Variants in LY6L observed in about 807,000 individuals in gnomAD.
LY6L encodes lymphocyte antigen 6 family member L.
A neutral mutation model predicts 8.3 loss-of-function variants in LY6L; 8 were observed. The observed-to-expected ratio is 0.97, with a 90% CI of 0.57 to 1.74. The LOEUF (loss-of-function observed/expected upper bound fraction) is 1.74. LY6L is among the 40% of genes most tolerant of loss of function. LY6L has a pLI of 0.00. For missense variants in LY6L, 156 were observed against 183.8 expected (o/e 0.85, Z 0.87); for synonymous variants, 79 against 77.9 (o/e 1.01, Z -0.07).
chr8:143,081,494 C>T (rs1166883131), intron 3 of LY6L, among the ~76,000 whole-genome samples, 167 bp downstream of exon 3: 1 of 152,222 alleles, frequency 6.6e-6, no homozygotes, highest in Non-Finnish European at 1.5e-5. Flanking sequence ...GCGAGCATCC[C>T]AGAGTGTGAA....
chr8:143,082,304 C>A (rs539289300), intron 3 of LY6L, 121 bp from the exon 4 acceptor site: 1 of 685,018 alleles, frequency 1.5e-6, no homozygotes, highest in Non-Finnish European at 2.5e-6. Flanking sequence ...GGCCAGGTTA[C>A]GTGCTCTAGC....
chr8:143,082,844 A>G lies in LY6L; in HGVS notation c.*193A>G. ...TCCCCACCGGGGGCCCCTTTGCTGGAGAACCCCAAGGATTCAGCAACTGCT... is the reference window on the plus strand; with the variant it reads ...TCCCCACCGGGGGCCCCTTTGCTGGGGAACCCCAAGGATTCAGCAACTGCT... On this transcript the variant is annotated 3_prime_UTR_variant, in exon 4 of 4. Coordinates refer to ENST00000562505, the MANE Select transcript of LY6L (RefSeq NM_001368160.2). 1 of 534,920 alleles carries G rather than the reference A, an allele frequency of 1.9e-6. No individual in the cohort carries two copies. Among genetic ancestry groups the G allele is most frequent in the Non-Finnish European group, 3.3e-6 (1 of 304,996 alleles). The allele number at this position is 534,920 out of a possible 1,614,324, so 33.1% of individuals were successfully genotyped here.
intron 3 of LY6L, among the ~76,000 whole-genome samples, chr8:143,081,793 T>C (rs956420293): frequency 6.6e-6 from 1 of 152,156 alleles, no homozygotes; most frequent in Non-Finnish European, 1.5e-5. Flanking sequence ...TACGATGTAA[T>C]ATAATGCTAC....
At position 143,081,171 on chromosome 8, in the gene LY6L, T is replaced by G. The variant is rs766611362; in HGVS notation, c.74-40T>G. 31 of 1,527,690 alleles carry G rather than the reference T, an allele frequency of 2.0e-5. No homozygotes were observed. In the South Asian group the frequency reaches 3.7e-4, roughly 18 times the overall value. The allele number at this position is 1,527,690 out of a possible 1,614,324, so 94.6% of individuals were successfully genotyped here. A position where few individuals can be genotyped will look rare whatever the true frequency, so the allele number is the denominator to read the frequency against. On this transcript the variant is annotated intron_variant, in intron 2 of 3. Coordinates refer to ENST00000562505, the MANE Select transcript of LY6L (RefSeq NM_001368160.2). The stretch of plus-strand genomic sequence containing the variant: ...GGGCTGGGGGCGTCGGGGCTGGAGC[T>G]GCGGACGCTGGTCCACAGCGCCCCG...
At chr8:143,082,381 CT>C in intron 3 of LY6L, 43 bp from the exon 4 acceptor site, 1 of 1,405,918 alleles carries the variant, frequency 7.1e-7, no homozygotes, top group Non-Finnish European at 9.7e-7. Context: ...TGGATACCTC[CT>C]TGCTGGGGCT....
chr8:143,080,946 G>A, intron 1 of LY6L, 90 bp from the exon 2 acceptor site: 2 of 955,112 alleles, frequency 2.1e-6, no homozygotes, highest in South Asian at 1.6e-5. Flanking sequence ...TGGGGGGTGC[G>A]CCCTGAGTAA....
At chr8:143,082,249 C>T (rs972332735) in intron 3 of LY6L, among the ~76,000 whole-genome samples, 176 bp from the exon 4 acceptor site, 1 of 152,230 alleles carries the variant, frequency 6.6e-6, no homozygotes, top group African/African-American at 2.4e-5. Flanking sequence ...CAGCGCCTCA[C>T]CCAGTAAAGG....
intron 3 of LY6L, among the ~76,000 whole-genome samples, chr8:143,081,848 C>T (rs1023873756): frequency 2.0e-5 from 3 of 152,150 alleles, no homozygotes; most frequent in African/African-American, 7.2e-5. Context: ...CACAACACAC[C>T]GTAACACTCT....
Position 143,082,466 on chromosome 8 carries a change from A to T in LY6L, c.232A>T (p.Arg78Ter). The change falls in exon 4 of 4, where the codon AGA (arginine) becomes TGA (stop). Residue 78 changes from arginine to a stop codon, truncating the protein, a stop_gained. Transcript: ENST00000562505. LOFTEE classifies it low-confidence loss of function (END_TRUNC). ...CCTGCTCAGCAAACGCTGTGCTCCC[A>T]GATGTCCCAACGACAACATGAAGTT... ...RVLLSKRCAPRCPNDNMKFEW... is the reference protein window; with the variant it reads ...RVLLSKRCAP The T allele has an allele frequency of 6.5e-7, 1 of 1,535,496 alleles. No homozygotes were observed. Among genetic ancestry groups the T allele is most frequent in the Non-Finnish European group, 8.7e-7 (1 of 1,146,706 alleles).
In LY6L at chr8:143,083,076, G is replaced by A. The variant is rs1046613949; in HGVS notation, c.*425G>A. 2 of 208,096 alleles carry A rather than the reference G, an allele frequency of 9.6e-6. No homozygotes were observed. Among genetic ancestry groups the A allele is most frequent in the African/African-American group, 2.4e-5 (1 of 41,634 alleles). The allele number at this position is 208,096 out of a possible 1,614,324, so 12.9% of individuals were successfully genotyped here. A position where few individuals can be genotyped will look rare whatever the true frequency, so the allele number is the denominator to read the frequency against. On this transcript the variant is annotated 3_prime_UTR_variant, in exon 4 of 4. Transcript: ENST00000562505. ...GGTGATGAGAAGGACGGTGCCTCCG[G>A]TGTGGGTGATGGGAAGGACGGTACC...
Position 143,082,576 on chromosome 8 carries a change from ACAGGAGGGGCG to A in LY6L, c.344_354del (p.Gln115LeufsTer73). ...CTCTCTGCAACAGGGCACTGACCCC[ACAGGAGGGGCG>A]CTGGGCCCTGCGAGGGGGGCTCCTG... On this transcript the variant is annotated frameshift_variant, in exon 4 of 4. Transcript: ENST00000562505. LOFTEE classifies it low-confidence loss of function (END_TRUNC). 6.5e-7 allele frequency: 1 copy of A among 1,534,226 alleles called. No homozygotes were observed. Among genetic ancestry groups the A allele is most frequent in the Non-Finnish European group, 8.7e-7 (1 of 1,145,720 alleles).
rs1341133453 is a variant in LY6L, at chr8:143,083,485, C to T, written c.*834C>T. 6.6e-6 allele frequency among the ~76,000 whole-genome samples: 1 copy of T among 152,106 alleles called. No homozygotes were observed. Among genetic ancestry groups the T allele is most frequent in the Admixed American group, 6.5e-5 (1 of 15,268 alleles). On this transcript the variant is annotated 3_prime_UTR_variant, in exon 4 of 4. Transcript: ENST00000562505. ...TGGAGACAATAAACTCTCATGCCCC[C>T]ATGGTGCTCATTCCTTCCTTCTCCT... is the stretch of plus-strand genomic sequence containing the variant.
In LY6L at chr8:143,082,480, C is replaced by T; in HGVS notation, c.246C>T (p.Asp82=). Residue 82 remains aspartate (D), a synonymous_variant, in exon 4 of 4, where the codon GAC becomes GAT. Coordinates refer to ENST00000562505, the MANE Select transcript of LY6L (RefSeq NM_001368160.2). ...SKRCAPRCPN[D]NMKFEWSPAP... is the part of the protein sequence containing the mutation. ...GCTGTGCTCCCAGATGTCCCAACGA[C>T]AACATGAAGTTCGAATGGTCGCCGG... is the stretch of plus-strand genomic sequence containing the variant. The T allele has an allele frequency of 6.5e-7, 1 of 1,535,520 alleles. No homozygotes were observed. Among genetic ancestry groups the T allele is most frequent in the Non-Finnish European group, 8.7e-7 (1 of 1,146,730 alleles).
intron 3 of LY6L, among the ~76,000 whole-genome samples, chr8:143,081,552 C>G (rs1276863054): frequency 6.6e-6 from 1 of 152,184 alleles, no homozygotes; most frequent in Non-Finnish European, 1.5e-5. Flanking sequence ...GAACTGTCAG[C>G]AGGACAAAGG....
In LY6L at chr8:143,082,660, C is replaced by T. The variant is rs1242898797; in HGVS notation, c.*9C>T. 1 of 1,450,836 alleles carries T rather than the reference C, an allele frequency of 6.9e-7. No individual in the cohort carries two copies. The highest frequency in any genetic ancestry group is 9.1e-7 in the Non-Finnish European group (1 of 1,101,112). The allele number at this position is 1,450,836 out of a possible 1,614,324, so 89.9% of individuals were successfully genotyped here. ...TCAGGGCCCTGTTGTGAGGGCCCTC[C>T]CTTTACGCCCCCTCCTGGCCCTGCT... On this transcript the variant is annotated 3_prime_UTR_variant, in exon 4 of 4. Coordinates refer to ENST00000562505, the MANE Select transcript of LY6L (RefSeq NM_001368160.2).
In LY6L at chr8:143,082,522, C is replaced by T. The variant is rs915870917; in HGVS notation, c.288C>T (p.Gly96=). The T allele has an allele frequency of 3.9e-6, 6 of 1,535,290 alleles. No homozygotes were observed. Among genetic ancestry groups the T allele is most frequent in the Middle Eastern group, 1.7e-4 (1 of 6,004 alleles). ...FEWSPAPMVQ[G]VITRRCCSWA... is the part of the protein sequence containing the mutation. ...GGTCGCCGGCCCCCATGGTGCAAGG[C>T]GTGATCACCAGGCGCTGCTGTTCCT... Residue 96 remains glycine (G), a synonymous_variant, in exon 4 of 4, where the codon GGC becomes GGT. Coordinates refer to ENST00000562505, the MANE Select transcript of LY6L (RefSeq NM_001368160.2).
In LY6L at chr8:143,083,481, C is replaced by T. The variant is rs114562237; in HGVS notation, c.*830C>T. 0.011 allele frequency among the ~76,000 whole-genome samples: 1,732 copies of T among 152,210 alleles called. 37 individuals carry two copies. The highest frequency in any genetic ancestry group is 0.04 in the African/African-American group (1,644 of 41,536). On this transcript the variant is annotated 3_prime_UTR_variant, in exon 4 of 4. Coordinates refer to ENST00000562505, the MANE Select transcript of LY6L (RefSeq NM_001368160.2). ...CTCTTGGAGACAATAAACTCTCATG[C>T]CCCCATGGTGCTCATTCCTTCCTTC...
rs957796179 is a variant in LY6L at position 143,082,672 on chromosome 8, C to A, written c.*21C>A. The A allele has an allele frequency of 1.4e-6, 2 of 1,441,302 alleles. No individual in the cohort carries two copies. Among genetic ancestry groups the A allele is most frequent in the East Asian group, 5.0e-5 (2 of 39,782 alleles). 89.3% of individuals were successfully genotyped at this position (1,441,302 alleles called of 1,614,324 possible). ...TGTGAGGGCCCTCCCTTTACGCCCC[C>A]TCCTGGCCCTGCTGGCCCATCCCGT... is the stretch of plus-strand genomic sequence containing the variant. On this transcript the variant is annotated 3_prime_UTR_variant, in exon 4 of 4. Coordinates refer to ENST00000562505, the MANE Select transcript of LY6L (RefSeq NM_001368160.2).
In LY6L at chr8:143,082,674, C is replaced by T. The variant is rs1325590724; in HGVS notation, c.*23C>T. 5 of 1,438,838 alleles carry T rather than the reference C, an allele frequency of 3.5e-6. No individual in the cohort carries two copies. The highest frequency in any genetic ancestry group is 4.6e-6 in the Non-Finnish European group (5 of 1,095,012). 89.1% of individuals were successfully genotyped at this position (1,438,838 alleles called of 1,614,324 possible). ...TGAGGGCCCTCCCTTTACGCCCCCT[C>T]CTGGCCCTGCTGGCCCATCCCGTCT... On this transcript the variant is annotated 3_prime_UTR_variant, in exon 4 of 4. Transcript: ENST00000562505.
Sources: gnomAD v4.1 joint callset for allele counts (sites outside exome capture counted in the v4.1 genomes callset) on GRCh38, gnomAD v4.1.1 for gene constraint, MANE v1.5 for transcripts, NCBI Gene and HGNC (gene_info 2026-07-23, HGNC 2026-07-21) for gene names.